Variants in ATG13 observed in about 807,000 individuals in gnomAD.
ATG13 encodes autophagy-related protein 13.
In ATG13, 23 loss-of-function variants were observed where a neutral mutation model predicts 65.5. That is an observed-to-expected ratio of 0.35 (90% CI 0.25 to 0.50). The LOEUF (loss-of-function observed/expected upper bound fraction) is 0.50. Ranked by LOEUF, ATG13 falls within the 20% of genes least tolerant of loss-of-function variation. The pLI, the probability that ATG13 is intolerant of heterozygous loss-of-function variation, is 0.98. For synonymous variants in ATG13, 252 were observed against 245.2 expected (o/e 1.03, Z -0.26); for missense variants, 566 against 677.0 (o/e 0.84, Z 1.82).
At chr11:46,669,674 G>T (rs867341532) in intron 18 of ATG13, 142 bp downstream of exon 18, 19 of 1,101,856 alleles carry the variant, frequency 1.7e-5, no homozygotes, top group Non-Finnish European at 2.3e-5. Context: ...GATCACTCTT[G>T]AGATTGGCAT....
rs1397989340 is a variant in ATG13, at chr11:46,668,841, C to T, written c.1377C>T (p.Ser459=). 6.2e-7 allele frequency: 1 copy of T among 1,614,028 alleles called. No homozygotes were observed. Among genetic ancestry groups the T allele is most frequent in the Non-Finnish European group, 8.5e-7 (1 of 1,180,030 alleles). ...AGACTGAATCTCCTCTCCAGGGCAGCCTGCACTCAGATGGCTCCAGCGGGG... is the reference window on the plus strand; with the variant it reads ...AGACTGAATCTCCTCTCCAGGGCAGTCTGCACTCAGATGGCTCCAGCGGGG... ...SPETESPLQG[S]LHSDGSSGGS... is the part of the protein sequence containing the mutation. The change falls in exon 17 of 19, where the codon AGC becomes AGT. Residue 459 remains serine (S), a synonymous_variant. Coordinates refer to ENST00000683050, the MANE Select transcript of ATG13 (RefSeq NM_001346311.2).
rs991006463 is a variant in ATG13 at position 46,667,864 on chromosome 11, T to C, written c.1228T>C (p.Phe410Leu). The C allele has an allele frequency of 1.2e-6, 2 of 1,612,418 alleles. No individual in the cohort carries two copies. The highest frequency in any genetic ancestry group is 2.7e-5 in the African/African-American group (2 of 74,902). Residue 410 changes from phenylalanine (F) to leucine (L), a missense_variant, in exon 15 of 19, where the codon TTT becomes CTT. Physicochemically the swap from Phe to Leu is conservative, Grantham distance 22. This residue lies in a region of ATG13 where 387 missense variants were observed against 409.8 expected (regional missense o/e 0.94). Transcript: ENST00000683050. ...CATCTTTGTCCGAAAAGTGGGGGCTTTTGTCAACAAACCCATTAACCAGGT... is the reference window on the plus strand; with the variant it reads ...CATCTTTGTCCGAAAAGTGGGGGCTCTTGTCAACAAACCCATTAACCAGGT... Reference protein sequence around the residue: ...ETIFVRKVGAFVNKPINQVTL... With the variant: ...ETIFVRKVGALVNKPINQVTL...
At chr11:46,667,711 A>G (rs916715455) in intron 14 of ATG13, 62 bp from the exon 15 acceptor site, 1 of 1,319,006 alleles carries the variant, frequency 7.6e-7, no homozygotes, top group Non-Finnish European at 1.1e-6. Context: ...GTGTATTTAT[A>G]GTGAACTAAG....
chr11:46,618,849 G>A, intron 1 of ATG13, among the ~76,000 whole-genome samples: 1 of 151,888 alleles, frequency 6.6e-6, no homozygotes, highest in Non-Finnish European at 1.5e-5. Context: ...ATAAGGTATT[G>A]CTGTGTTACC....
At chr11:46,670,107 T>G (rs527702551) in intron 18 of ATG13, among the ~76,000 whole-genome samples, 1 of 152,290 alleles carries the variant, frequency 6.6e-6, no homozygotes, top group African/African-American at 2.4e-5. Flanking sequence ...TGAGGTGGAA[T>G]GATCACCTCC....
At chr11:46,661,469 G>A (rs569273168) in intron 11 of ATG13, among the ~76,000 whole-genome samples, 1 of 142,812 alleles carries the variant, frequency 7.0e-6, no homozygotes, top group East Asian at 2.1e-4. Context: ...AGTGAGCCAA[G>A]ATTTCCCCAC....
intron 1 of ATG13, among the ~76,000 whole-genome samples, chr11:46,629,438 C>T (rs2050903038): frequency 2.6e-5 from 4 of 152,024 alleles, no homozygotes; most frequent in Admixed American, 2.6e-4. Flanking sequence ...AGTCTTGTTG[C>T]CAGGCTGGAG....
intron 1 of ATG13, among the ~76,000 whole-genome samples, chr11:46,622,388 A>T (rs1428219411): frequency 1.3e-5 from 2 of 151,982 alleles, no homozygotes; most frequent in Non-Finnish European, 2.9e-5. Context: ...AAGTGCTGGG[A>T]TTACAGGCGT....
chr11:46,649,082 T>C, intron 5 of ATG13, 55 bp from the exon 6 acceptor site: 4 of 1,489,842 alleles, frequency 2.7e-6, no homozygotes, highest in Non-Finnish European at 3.7e-6. Context: ...GTGACTGTAA[T>C]GCTTTGAAAT....
chr11:46,650,208 G>A lies in ATG13; in HGVS notation c.349G>A (p.Val117Met), dbSNP rs1339083972. The change falls in exon 7 of 19, where the codon GTG becomes ATG. Residue 117 changes from valine (V) to methionine (M), a missense_variant. Physicochemically the swap from Val to Met is conservative, Grantham distance 21. This residue lies in a region of ATG13 where 179 missense variants were observed against 267.2 expected (regional missense o/e 0.67). Transcript: ENST00000683050. ...CDKEIKVSYT[V>M]YNRLSLLLKS... is the part of the protein sequence containing the mutation. Reference sequence around the variant, plus strand: ...TAAAGAAATCAAAGTTTCCTACACGGTGTACAACAGACTGTCATTGCTGCT... The same window carrying A: ...TAAAGAAATCAAAGTTTCCTACACGATGTACAACAGACTGTCATTGCTGCT... The A allele has an allele frequency of 6.2e-7, 1 of 1,613,966 alleles. No individual in the cohort carries two copies. The highest frequency in any genetic ancestry group is 8.5e-7 in the Non-Finnish European group (1 of 1,180,028).
chr11:46,653,990 T>C (rs1380787695), intron 7 of ATG13, among the ~76,000 whole-genome samples: 1 of 152,066 alleles, frequency 6.6e-6, no homozygotes, highest in Non-Finnish European at 1.5e-5. Context: ...ATTCAAACTT[T>C]TTGCTAATAT....
Position 46,673,714 on chromosome 11 carries a change from A to G in ATG13, c.*1382A>G, listed in dbSNP as rs2064219517. 1 of 152,238 alleles carries G rather than the reference A, an allele frequency of 6.6e-6. No individual in the cohort carries two copies. The highest frequency in any genetic ancestry group is 1.5e-5 in the Non-Finnish European group (1 of 68,048). The allele number at this position is 152,238 out of a possible 1,614,324, so 9.4% of individuals were successfully genotyped here. A position where few individuals can be genotyped will look rare whatever the true frequency, so the allele number is the denominator to read the frequency against. ...TAACCCTTCAGGTATTGTTACTTGAATAAGTCAAGTGCCTAGCCTCACCCA... is the reference window on the plus strand; with the variant it reads ...TAACCCTTCAGGTATTGTTACTTGAGTAAGTCAAGTGCCTAGCCTCACCCA... On this transcript the variant is annotated 3_prime_UTR_variant, in exon 19 of 19. Coordinates refer to ENST00000683050, the MANE Select transcript of ATG13 (RefSeq NM_001346311.2).
intron 2 of ATG13, among the ~76,000 whole-genome samples, chr11:46,633,301 G>A (rs1230898595): frequency 6.6e-6 from 1 of 151,132 alleles, no homozygotes; most frequent in Non-Finnish European, 1.5e-5. Context: ...GATTACAAGC[G>A]TGAGCCACTG....
chr11:46,649,289 A>T, intron 6 of ATG13, 106 bp downstream of exon 6: 1 of 1,304,794 alleles, frequency 7.7e-7, no homozygotes, highest in Non-Finnish European at 1.1e-6. Flanking sequence ...GGGCATTCTG[A>T]CCACTTAACA....
At chr11:46,665,035 A>C in intron 13 of ATG13, 76 bp downstream of exon 13, 4 of 1,373,520 alleles carry the variant, frequency 2.9e-6, no homozygotes, top group Non-Finnish European at 4.1e-6. Context: ...GGGGTCTCTC[A>C]AGGCAGAGGG....
rs141844725 is a variant in ATG13 at position 46,664,694 on chromosome 11, C to G, written c.889-155C>G. Among the ~76,000 whole-genome samples, 64 of 152,346 alleles carry G rather than the reference C, an allele frequency of 4.2e-4. No homozygotes were observed. The Middle Eastern group carries it at 0.014, about 32-fold the overall frequency. On this transcript the variant is annotated intron_variant, in intron 12 of 18. Coordinates refer to ENST00000683050, the MANE Select transcript of ATG13 (RefSeq NM_001346311.2). ...CTTCTCTAATAACGGCCTCATCTGTCCCTAACCCCTATCACGTCAGGCCCC... is the reference window on the plus strand; with the variant it reads ...CTTCTCTAATAACGGCCTCATCTGTGCCTAACCCCTATCACGTCAGGCCCC...
At chr11:46,664,443 A>G (rs761580056) in intron 12 of ATG13, among the ~76,000 whole-genome samples, 5 of 152,174 alleles carry the variant, frequency 3.3e-5, no homozygotes, top group Non-Finnish European at 5.9e-5. Flanking sequence ...AGGACTTTCT[A>G]TGTCAAAGGG....
At chr11:46,622,155 T>G (rs1478743111) in intron 1 of ATG13, among the ~76,000 whole-genome samples, 2 of 142,412 alleles carry the variant, frequency 1.4e-5, no homozygotes, top group Non-Finnish European at 3.0e-5. Flanking sequence ...ATTTGCCCTG[T>G]TTCCCAGACT....
intron 7 of ATG13, among the ~76,000 whole-genome samples, chr11:46,651,599 C>A (rs2058909189): frequency 6.6e-6 from 1 of 152,142 alleles, no homozygotes; most frequent in Non-Finnish European, 1.5e-5. Flanking sequence ...CTTTGCCTTA[C>A]ATGTATAGAG....
Sources: gnomAD v4.1 joint callset for allele counts (sites outside exome capture counted in the v4.1 genomes callset) on GRCh38, gnomAD v4.1.1 for gene constraint, gnomAD v4.1.1 regional missense constraint, MANE v1.5 for transcripts, NCBI Gene and HGNC (gene_info 2026-07-23, HGNC 2026-07-21) for gene names.